GALNT15: variants seen among roughly 807,000 people sequenced by gnomAD.
The protein encoded by GALNT15 is UDP-GalNAc transferase T15.
GALNT15 carries 67 observed loss-of-function variants against 66.8 expected under a neutral mutation model. The observed-to-expected ratio is 1.00, with a 90% CI of 0.82 to 1.23. The LOEUF is 1.23. Ranked by LOEUF, GALNT15 falls within the 50% of genes most tolerant of loss-of-function variation. The pLI, the probability that GALNT15 is intolerant of heterozygous loss-of-function variation, is 0.00. For missense variants in GALNT15, 827 were observed against 804.3 expected, an observed-to-expected ratio of 1.03 and a Z score of -0.34; for synonymous variants, 313 against 311.5, an observed-to-expected ratio of 1.00 and a Z score of -0.05.
At chr3:16,214,612 G>A (rs1255028766) in intron 6 of GALNT15, among the ~76,000 whole-genome samples, 1 of 151,900 alleles carries the variant, frequency 6.6e-6, no homozygotes, top group African/African-American at 2.4e-5. Flanking sequence ...GTCCTGCAGG[G>A]GACAGAGAAC....
At position 16,230,144 on chromosome 3, in the gene GALNT15, T is replaced by C. The variant is rs913932675; in HGVS notation, c.*2644T>C. Among the ~76,000 whole-genome samples the C allele has an allele frequency of 6.7e-6, 1 of 149,656 alleles. No individual in the cohort carries two copies. The highest frequency in any genetic ancestry group is 1.5e-5 in the Non-Finnish European group (1 of 66,256). On this transcript the variant is annotated 3_prime_UTR_variant, in exon 10 of 10. Transcript: ENST00000339732. The surrounding 1 kb of genome is among the most constrained non-coding windows in gnomAD (Gnocchi z 4.5). ...GGATTTTGTTGTTCGTTTTTTAAGA[T>C]TGAATTTTGTTACCACCCCCACCAA...
chr3:16,206,563 C>T (rs1416653155), intron 3 of GALNT15, among the ~76,000 whole-genome samples: 1 of 148,744 alleles, frequency 6.7e-6, no homozygotes, highest in Non-Finnish European at 1.5e-5. Context: ...GTCCCAGCTA[C>T]TTGGGAGGCT....
Position 16,204,611 on chromosome 3 carries a change from A to G in GALNT15, c.911+3788A>G, listed in dbSNP as rs1340356683. ...GCCAGCTCTCATACCCAAGCCAAGC[A>G]GTGGAAGCCATACCCCTGGAAGGAT... On this transcript the variant is annotated intron_variant, in intron 3 of 9. Coordinates refer to ENST00000339732, the MANE Select transcript of GALNT15 (RefSeq NM_054110.5). The surrounding 1 kb of genome is among the most constrained non-coding windows in gnomAD (Gnocchi z 4.5). Among the ~76,000 whole-genome samples the G allele has an allele frequency of 1.3e-5, 2 of 152,154 alleles. No individual in the cohort carries two copies. The highest frequency in any genetic ancestry group is 4.8e-5 in the African/African-American group (2 of 41,440).
At position 16,188,823 on chromosome 3, in the gene GALNT15, G is replaced by A. The variant is rs551613362; in HGVS notation, c.540-6937G>A. 4.6e-5 allele frequency among the ~76,000 whole-genome samples: 7 copies of A among 152,112 alleles called. No homozygotes were observed. The highest frequency in any genetic ancestry group is 1.0e-4 in the Non-Finnish European group (7 of 68,016). Reference sequence around the variant, plus strand: ...GGAAGAGTGGATAGATTGCAAAGCAGATGACAGGTCCTTAGCACCATTTCC... The same window carrying A: ...GGAAGAGTGGATAGATTGCAAAGCAAATGACAGGTCCTTAGCACCATTTCC... On this transcript the variant is annotated intron_variant, in intron 1 of 9. Coordinates refer to ENST00000339732, the MANE Select transcript of GALNT15 (RefSeq NM_054110.5). The surrounding 1 kb of genome is among the most constrained non-coding windows in gnomAD (Gnocchi z 4.6).
rs377006712 is a variant in GALNT15 at position 16,190,279 on chromosome 3, G to C, written c.540-5481G>C. Among the ~76,000 whole-genome samples, 41 of 152,266 alleles carry C rather than the reference G, an allele frequency of 2.7e-4. No individual in the cohort carries two copies. The South Asian group carries it at 8.3e-3, about 31-fold the overall frequency. On this transcript the variant is annotated intron_variant, in intron 1 of 9. Transcript: ENST00000339732. ...GTAGTTGGTATCCCTCCCTTCCACT[G>C]TTGTCTGGGAGCTAAACAGTCTGCA...
intron 6 of GALNT15, among the ~76,000 whole-genome samples, chr3:16,214,254 C>A (rs2063849480): frequency 6.6e-6 from 1 of 152,194 alleles, no homozygotes; most frequent in South Asian, 2.1e-4. Flanking sequence ...CCATCGCCAT[C>A]TGTGGGAAGT....
chr3:16,205,584 C>T (rs1199470187), intron 3 of GALNT15, among the ~76,000 whole-genome samples: 1 of 152,178 alleles, frequency 6.6e-6, no homozygotes, highest in Non-Finnish European at 1.5e-5. Context: ...CAGACACTTC[C>T]AGCTCCTTCC....
chr3:16,205,321 G>A (rs2063745810), intron 3 of GALNT15, among the ~76,000 whole-genome samples: 1 of 152,200 alleles, frequency 6.6e-6, no homozygotes, highest in Admixed American at 6.5e-5. Flanking sequence ...ATAAACGAGG[G>A]CTTATTCTTT....
intron 3 of GALNT15, among the ~76,000 whole-genome samples, chr3:16,202,710 C>T (rs1175358525): frequency 6.6e-6 from 1 of 152,218 alleles, no homozygotes; most frequent in African/African-American, 2.4e-5. Flanking sequence ...ATCTTGAAAT[C>T]AGAGCGATGT....
chr3:16,246,522 C>G, the GALNT15 span, among the ~76,000 whole-genome samples: 8 of 151,994 alleles, frequency 5.3e-5, no homozygotes. Flanking sequence ...GACGGTTTCA[C>G]CATGTTGGCC....
Position 16,200,623 on chromosome 3 carries a change from A to G in GALNT15, c.711A>G (p.Gln237=), listed in dbSNP as rs557520950. ...ILVDDLSQQG[Q]LKSALSEYVA... ...CCACAACCCTGTTGATTCCAGGACA[A>G]CTCAAGTCTGCTCTCAGCGAATATG... is the stretch of plus-strand genomic sequence containing the variant. The change falls in exon 3 of 10, where the codon CAA becomes CAG. Residue 237 remains glutamine, a synonymous_variant. Transcript: ENST00000339732. The surrounding 1 kb of genome is among the most constrained non-coding windows in gnomAD (Gnocchi z 4.4). The G allele has an allele frequency of 8.0e-5, 124 of 1,544,970 alleles. No individual in the cohort carries two copies. In the South Asian group the frequency reaches 1.2e-3, roughly 15 times the overall value.
At chr3:16,213,743 G>A (rs1417691919) in intron 6 of GALNT15, among the ~76,000 whole-genome samples, 1 of 152,194 alleles carries the variant, frequency 6.6e-6, no homozygotes, top group Non-Finnish European at 1.5e-5. Flanking sequence ...TTAGATGTGA[G>A]TTTGCATGCC....
Position 16,203,754 on chromosome 3 carries a change from G to A in GALNT15, c.911+2931G>A, listed in dbSNP as rs1482291033. On this transcript the variant is annotated intron_variant, in intron 3 of 9. Coordinates refer to ENST00000339732, the MANE Select transcript of GALNT15 (RefSeq NM_054110.5). The surrounding 1 kb of genome is among the most constrained non-coding windows in gnomAD (Gnocchi z 6.2). ...GTCCAGCTTTTAGGCACTGGCAGGT[G>A]AGGATCTGGAAGAAAAGCCACCTTT... 2.0e-5 allele frequency among the ~76,000 whole-genome samples: 3 copies of A among 152,094 alleles called. No homozygotes were observed. The highest frequency in any genetic ancestry group is 7.2e-5 in the African/African-American group (3 of 41,388).
intron 8 of GALNT15, 187 bp downstream of exon 8, chr3:16,220,201 G>A (rs2063928264): frequency 1.7e-6 from 1 of 598,086 alleles, no homozygotes; most frequent in South Asian, 2.0e-5. Flanking sequence ...CCATCTGTAA[G>A]CACAGACATG....
chr3:16,218,810 C>CTTTTTT (rs10538222), intron 6 of GALNT15, among the ~76,000 whole-genome samples: 6 of 92,932 alleles, frequency 6.5e-5, no homozygotes, highest in Admixed American at 1.3e-4. Context: ...CTCTCTCTCT[C>CTTTTTT]TTTTTTTTTT....
rs1314222683 is a variant in GALNT15, at chr3:16,200,728, C to G, written c.816C>G (p.Thr272=). 6.2e-7 allele frequency: 1 copy of G among 1,612,268 alleles called. No homozygotes were observed. Residue 272 remains threonine (T), a synonymous_variant, in exon 3 of 10, where the codon ACC becomes ACG. Coordinates refer to ENST00000339732, the MANE Select transcript of GALNT15 (RefSeq NM_054110.5). The surrounding 1 kb of genome is among the most constrained non-coding windows in gnomAD (Gnocchi z 4.4). ...GAIRARMLGA[T]RATGDVLVFM... is the part of the protein sequence containing the mutation. ...TCAGGGCCCGGATGCTGGGGGCCAC[C>G]AGAGCCACCGGGGATGTGCTCGTCT...
At chr3:16,196,808 C>T (rs2063643697) in intron 2 of GALNT15, among the ~76,000 whole-genome samples, 1 of 152,208 alleles carries the variant, frequency 6.6e-6, no homozygotes, top group Non-Finnish European at 1.5e-5. Context: ...ACTAAATGAC[C>T]TAGGGACACC....
At chr3:16,230,241 A>G (rs1276097629), downstream of GALNT15, among the ~76,000 whole-genome samples, 2 of 152,162 alleles carry the variant, frequency 1.3e-5, no homozygotes, top group Non-Finnish European at 2.9e-5. This position sits in a 1 kb window ranked among gnomAD's most constrained non-coding sequence, Gnocchi z 4.5. Flanking sequence ...CTAGAGTCCC[A>G]CACTCTTCAT....
rs1231979778 is a variant in GALNT15 at position 16,180,478 on chromosome 3, C to T, written c.539+4788C>T. ...CAGTGAGGAGTTACACCACGACTTC[C>T]CAAAAGTATGTGCACACCCAACCCC... On this transcript the variant is annotated intron_variant, in intron 1 of 9. Transcript: ENST00000339732. This position sits in a 1 kb window ranked among gnomAD's most constrained non-coding sequence, Gnocchi z 5.0. 9.2e-5 allele frequency among the ~76,000 whole-genome samples: 14 copies of T among 152,122 alleles called. No homozygotes were observed. Among genetic ancestry groups the T allele is most frequent in the Admixed American group, 9.2e-4 (14 of 15,270 alleles).
Sources: gnomAD v4.1 joint callset for allele counts (sites outside exome capture counted in the v4.1 genomes callset) on GRCh38, gnomAD v4.1.1 for gene constraint, Gnocchi (gnomAD v3.1) non-coding constraint, MANE v1.5 for transcripts, NCBI Gene and HGNC (gene_info 2026-07-23, HGNC 2026-07-21) for gene names.